The following PDZD2 variants were observed in gnomAD, a reference collection of about 807,000 sequenced individuals.
PDZD2 encodes the protein PDZ domain-containing protein 2.
Under a neutral mutation model 220.7 loss-of-function variants are expected in PDZD2, and 90 were observed. The observed-to-expected ratio is 0.41, with a 90% CI of 0.34 to 0.49. The LOEUF (loss-of-function observed/expected upper bound fraction) is 0.49, where lower values mean the gene tolerates loss of function less well. PDZD2 is among the 20% of genes least tolerant of loss of function. The pLI is 0.28. For missense variants in PDZD2, 3,174 were observed against 3,608.5 expected, an observed-to-expected ratio of 0.88 and a Z score of 3.08; for synonymous variants, 1,375 against 1,450.5, an observed-to-expected ratio of 0.95 and a Z score of 1.18.
At chr5:31,758,571 C>T (rs376564550) in intron 1 of PDZD2, among the ~76,000 whole-genome samples, 20 of 152,334 alleles carry the variant, frequency 1.3e-4, no homozygotes, top group African/African-American at 4.1e-4. Flanking sequence ...TCTACTCTCA[C>T]GCTCGGGCCC....
At chr5:31,995,788 G>GCAGGTGCTCTTCCACTTGTT in intron 4 of PDZD2, 70 bp downstream of exon 4, 19 of 1,385,964 alleles carry the variant, frequency 1.4e-5, no homozygotes, top group Non-Finnish European at 1.9e-5. Flanking sequence ...CCCCACTGGT[G>GCAGGTGCTCTTCCACTTGTT]CAGGTGCTCT....
chr5:32,034,028 G>A (rs1755331454), intron 6 of PDZD2, among the ~76,000 whole-genome samples: 2 of 152,152 alleles, frequency 1.3e-5, no homozygotes, highest in African/African-American at 4.8e-5. Flanking sequence ...TTTCAGGCAG[G>A]CTCCTTTCCT....
At chr5:32,010,780 GAGGTCA>G (rs1308673454) in intron 6 of PDZD2, 1 of 409,134 alleles carries the variant, frequency 2.4e-6, no homozygotes. Context: ...TGGATCACCT[GAGGTCA>G]GGAGTTCAAG....
At chr5:31,872,879 A>C (rs1738950686) in intron 2 of PDZD2, among the ~76,000 whole-genome samples, 1 of 152,192 alleles carries the variant, frequency 6.6e-6, no homozygotes, top group East Asian at 1.9e-4. Flanking sequence ...AATGGAACAT[A>C]TACAAAAAAA....
At position 32,061,059 on chromosome 5, in the gene PDZD2, C is replaced by T. The variant is rs1739644618; in HGVS notation, c.2376C>T (p.Ser792=). Residue 792 remains serine (S), a synonymous_variant, in exon 14 of 25, where the codon AGC becomes AGT. Coordinates refer to ENST00000438447, the MANE Select transcript of PDZD2 (RefSeq NM_178140.4). ...TCAACGTCCGCCATGCTGCTTTAAG[C>T]AAAGTCCACGCCATCTTGAGTAAAT... ...NSVNVRHAAL[S]KVHAILSKCP... is the part of the protein sequence containing the mutation. 6.2e-7 allele frequency: 1 copy of T among 1,614,034 alleles called. No homozygotes were observed. Among genetic ancestry groups the T allele is most frequent in the Admixed American group, 1.7e-5 (1 of 60,010 alleles).
At chr5:31,800,467 T>C (rs1754328682) in intron 2 of PDZD2, among the ~76,000 whole-genome samples, 1 of 152,232 alleles carries the variant, frequency 6.6e-6, no homozygotes, top group Admixed American at 6.5e-5. Context: ...TGAGCTTAGC[T>C]ACTCCTCTCC....
chr5:31,981,503 G>A (rs1306350809), intron 2 of PDZD2, among the ~76,000 whole-genome samples: 2 of 152,142 alleles, frequency 1.3e-5, no homozygotes, highest in African/African-American at 4.8e-5. Context: ...TCCTTCCAAT[G>A]TAATGTAATG....
intron 2 of PDZD2, chr5:31,936,321 G>A (rs1195377787): frequency 4.1e-6 from 4 of 987,562 alleles, no homozygotes; most frequent in South Asian, 4.7e-5. Flanking sequence ...AGCAGAGCAC[G>A]CTCACCTGAC....
At chr5:31,823,851 A>G (rs934554010) in intron 2 of PDZD2, among the ~76,000 whole-genome samples, 3 of 152,204 alleles carry the variant, frequency 2.0e-5, no homozygotes, top group Admixed American at 6.5e-5. Context: ...AGAAGCAGTT[A>G]TTGTCAGTTT....
At chr5:31,715,155 C>T (rs903811943) in intron 1 of PDZD2, among the ~76,000 whole-genome samples, 2 of 151,948 alleles carry the variant, frequency 1.3e-5, no homozygotes, top group African/African-American at 2.4e-5. Flanking sequence ...TCAACATCTT[C>T]ATTTTGGGCA....
At chr5:31,778,093 G>A (rs1752815798) in intron 1 of PDZD2, among the ~76,000 whole-genome samples, 1 of 151,914 alleles carries the variant, frequency 6.6e-6, no homozygotes, top group South Asian at 2.1e-4. Context: ...AGTGCTCTGT[G>A]TCTAGCTAAT....
rs1742774351 is a variant in PDZD2 at position 32,088,707 on chromosome 5, A to C, written c.5259A>C (p.Ala1753=). The C allele has an allele frequency of 1.9e-6, 3 of 1,614,158 alleles. No homozygotes were observed. Among genetic ancestry groups the C allele is most frequent in the Non-Finnish European group, 2.5e-6 (3 of 1,179,996 alleles). ...ATCAATACGAAACAAGCATTAATGC[A>C]GCTGCCAGTCTGTCCTCCTTCAGTG... is the stretch of plus-strand genomic sequence containing the variant. ...TLNQYETSIN[A]AASLSSFSVD... is the part of the protein sequence containing the mutation. The change falls in exon 20 of 25, where the codon GCA becomes GCC. Residue 1753 remains alanine, a synonymous_variant. Transcript: ENST00000438447. The surrounding 1 kb of genome is among the most constrained non-coding windows in gnomAD (Gnocchi z 4.6).
At chr5:31,673,606 G>C (rs1458854462) in intron 1 of PDZD2, among the ~76,000 whole-genome samples, 1 of 152,250 alleles carries the variant, frequency 6.6e-6, no homozygotes, top group Non-Finnish European at 1.5e-5. Context: ...ATGGTATTAC[G>C]AGCTGGGGAC....
At chr5:32,049,472 C>T (rs1183268014) in intron 8 of PDZD2, among the ~76,000 whole-genome samples, 1 of 152,166 alleles carries the variant, frequency 6.6e-6, no homozygotes, top group Non-Finnish European at 1.5e-5. Flanking sequence ...GCTTGGAAAG[C>T]TGTAGAGGGT....
At chr5:31,924,652 G>T (rs1377631529) in intron 2 of PDZD2, among the ~76,000 whole-genome samples, 1 of 152,146 alleles carries the variant, frequency 6.6e-6, no homozygotes, top group Non-Finnish European at 1.5e-5. Context: ...TAGAGGAGAC[G>T]CTTGTTAATT....
In PDZD2 at chr5:31,834,723, G is replaced by A. The variant is rs376848607; in HGVS notation, c.476+34999G>A. 3.9e-3 allele frequency among the ~76,000 whole-genome samples: 581 copies of A among 150,518 alleles called. 4 individuals are homozygous for A. The highest frequency in any genetic ancestry group is 9.5e-3 in the East Asian group (49 of 5,134). On this transcript the variant is annotated intron_variant, in intron 2 of 24. Transcript: ENST00000438447. ...TATCTTACTTGGAGCATTGCACACCGGGGCCTGTTGTGGGGTGGGGGGAAG... is the reference window on the plus strand; with the variant it reads ...TATCTTACTTGGAGCATTGCACACCAGGGCCTGTTGTGGGGTGGGGGGAAG...
At chr5:31,647,984 C>T (rs140240223) in intron 1 of PDZD2, among the ~76,000 whole-genome samples, 2 of 151,946 alleles carry the variant, frequency 1.3e-5, no homozygotes, top group African/African-American at 2.4e-5. Context: ...TGATTGTTCA[C>T]GGTATGAATG....
rs565973392 is a variant in PDZD2 at position 32,083,973 on chromosome 5, C to T, written c.3683-3158C>T. ...GATTACAGGCATGAGCCACCGCCCACGGCCTGAATATGAAATTTAAAAACA... is the reference window on the plus strand; with the variant it reads ...GATTACAGGCATGAGCCACCGCCCATGGCCTGAATATGAAATTTAAAAACA... On this transcript the variant is annotated intron_variant, in intron 19 of 24. Coordinates refer to ENST00000438447, the MANE Select transcript of PDZD2 (RefSeq NM_178140.4). The surrounding 1 kb of genome is among the most constrained non-coding windows in gnomAD (Gnocchi z 4.1). 6.6e-6 allele frequency among the ~76,000 whole-genome samples: 1 copy of T among 152,282 alleles called. No individual in the cohort carries two copies. The highest frequency in any genetic ancestry group is 2.1e-4 in the South Asian group (1 of 4,826).
chr5:32,100,741 T>TC, intron 23 of PDZD2: 1 of 447,048 alleles, frequency 2.2e-6, no homozygotes, highest in Non-Finnish European at 4.1e-6. Context: ...AAATTTGGAG[T>TC]CCCCAAGTGT....
Sources: allele counts gnomAD v4.1 joint callset (sites outside exome capture counted in the v4.1 genomes callset), GRCh38; gene constraint gnomAD v4.1.1; non-coding constraint Gnocchi (gnomAD v3.1); transcripts MANE v1.5; gene names NCBI Gene and HGNC (gene_info 2026-07-23, HGNC 2026-07-21).